ITPR2: variants seen among roughly 807,000 people sequenced by gnomAD.
ITPR2 encodes the protein inositol 1,4,5-trisphosphate-gated calcium channel ITPR2.
ITPR2 carries 207 observed loss-of-function variants against 317.1 expected under a neutral mutation model. The ratio of observed to expected loss-of-function variants is 0.65; its 90% CI spans 0.58 to 0.73. The LOEUF is 0.73. Among genes scored for constraint, ITPR2 ranks in the 30% least tolerant of loss-of-function variants. ITPR2 has a pLI of 0.00. For synonymous variants in ITPR2, 1,156 were observed against 1,149.1 expected, an observed-to-expected ratio of 1.01 and a Z score of -0.12; for missense variants, 2,613 against 3,284.0, an observed-to-expected ratio of 0.80 and a Z score of 4.99.
At chr12:26,681,328 G>A (rs995998721) in intron 13 of ITPR2, among the ~76,000 whole-genome samples, 1 of 152,180 alleles carries the variant, frequency 6.6e-6, no homozygotes, top group Non-Finnish European at 1.5e-5. Flanking sequence ...ATAATCGTTA[G>A]CTGTCAATAT....
intron 55 of ITPR2, among the ~76,000 whole-genome samples, chr12:26,367,523 A>C (rs781744117): frequency 3.3e-5 from 5 of 152,232 alleles, no homozygotes; most frequent in Non-Finnish European, 5.9e-5. Flanking sequence ...GTAAAGGATA[A>C]GATTTCACAA....
chr12:26,715,353 G>C lies in ITPR2; in HGVS notation c.801C>G (p.Thr267=), dbSNP rs1384644221. 1 of 1,613,690 alleles carries C rather than the reference G, an allele frequency of 6.2e-7. No individual in the cohort carries two copies. Among genetic ancestry groups the C allele is most frequent in the Non-Finnish European group, 8.5e-7 (1 of 1,179,718 alleles). Reference sequence around the variant, plus strand: ...TAGCAGAAGTAGCTGATTGGCGCAAGGTCGTACGAAGGAAAATGTGCTGTT... The same window carrying C: ...TAGCAGAAGTAGCTGATTGGCGCAACGTCGTACGAAGGAAAATGTGCTGTT... ...EKKQHIFLRT[T]LRQSATSATS... is the part of the protein sequence containing the mutation. Residue 267 remains threonine (T), a synonymous_variant, in exon 8 of 57, where the codon ACC becomes ACG. Transcript: ENST00000381340.
chr12:26,455,492 A>G (rs1013377589), intron 45 of ITPR2, among the ~76,000 whole-genome samples: 2 of 152,156 alleles, frequency 1.3e-5, no homozygotes, highest in South Asian at 4.1e-4. Context: ...TTTCAAGTCT[A>G]AGTAGGGATT....
At chr12:26,816,465 G>A (rs950152700) in intron 1 of ITPR2, among the ~76,000 whole-genome samples, 6 of 152,038 alleles carry the variant, frequency 3.9e-5, no homozygotes, top group Non-Finnish European at 7.4e-5. Context: ...CAGGTTTGTC[G>A]GAACCAAAAG....
Position 26,632,010 on chromosome 12 carries a change from C to T in ITPR2, c.2790G>A (p.Gln930=). 1 of 1,605,448 alleles carries T rather than the reference C, an allele frequency of 6.2e-7. No individual in the cohort carries two copies. The change falls in exon 22 of 57, where the codon CAG becomes CAA. Residue 930 remains glutamine, a synonymous_variant. Transcript: ENST00000381340. ...AGATGGAGCCTCTACTGAGTACCAT[C>T]TGGGTCATCATCTCTCCCACCCCAT... The part of the protein sequence containing the change: ...TIHGVGEMMT[Q]MVLSRGSIFP...
At chr12:26,654,357 T>C (rs1001455914) in intron 20 of ITPR2, among the ~76,000 whole-genome samples, 1 of 152,216 alleles carries the variant, frequency 6.6e-6, no homozygotes, top group Non-Finnish European at 1.5e-5. Context: ...TTAAGGTACT[T>C]AACAAAATTT....
chr12:26,602,042 G>A (rs1946011205), intron 28 of ITPR2, among the ~76,000 whole-genome samples: 1 of 152,126 alleles, frequency 6.6e-6, no homozygotes, highest in East Asian at 1.9e-4. Context: ...AAATAAACAT[G>A]ACAACCGAAT....
At chr12:26,557,254 C>T (rs992598772) in intron 35 of ITPR2, among the ~76,000 whole-genome samples, 2 of 152,096 alleles carry the variant, frequency 1.3e-5, no homozygotes, top group Admixed American at 6.5e-5. Context: ...GGTCACCTAC[C>T]CAACAGCCTT....
intron 55 of ITPR2, among the ~76,000 whole-genome samples, chr12:26,383,464 T>A (rs1278010472): frequency 2.0e-5 from 3 of 149,676 alleles, no homozygotes; most frequent in Non-Finnish European, 3.0e-5. Context: ...TATTCTATGT[T>A]TTTTTGTTTG....
chr12:26,761,063 C>A (rs1949622302), intron 2 of ITPR2, among the ~76,000 whole-genome samples: 1 of 152,196 alleles, frequency 6.6e-6, no homozygotes, highest in African/African-American at 2.4e-5. Flanking sequence ...TAGAGCCAGG[C>A]TTCAGGCCAG....
At chr12:26,394,863 G>T (rs995578847) in intron 54 of ITPR2, among the ~76,000 whole-genome samples, 13 of 152,110 alleles carry the variant, frequency 8.5e-5, no homozygotes, top group Non-Finnish European at 1.5e-4. Flanking sequence ...GGTAGCTAGG[G>T]CACCTGGAAG....
rs1351285393 is a variant in ITPR2, at chr12:26,338,289, T to C, written c.*1108A>G. 1 of 152,638 alleles carries C rather than the reference T, an allele frequency of 6.6e-6. No homozygotes were observed. The highest frequency in any genetic ancestry group is 1.9e-4 in the East Asian group (1 of 5,206). The allele number at this position is 152,638 out of a possible 1,614,324, so 9.5% of individuals were successfully genotyped here. A position where few individuals can be genotyped will look rare whatever the true frequency, so the allele number is the denominator to read the frequency against. On this transcript the variant is annotated 3_prime_UTR_variant, in exon 57 of 57. Transcript: ENST00000381340. Reference sequence around the variant, plus strand: ...ATACAAAAACAATTTGAATAAGAGATTTTTATCTTGCTACATTTTGAAAAG... The same window carrying C: ...ATACAAAAACAATTTGAATAAGAGACTTTTATCTTGCTACATTTTGAAAAG...
At chr12:26,613,651 CAT>C (rs1291644464) in intron 26 of ITPR2, among the ~76,000 whole-genome samples, 1 of 152,058 alleles carries the variant, frequency 6.6e-6, no homozygotes, top group Non-Finnish European at 1.5e-5. Flanking sequence ...GAGACCCTGG[CAT>C]AGAGTCAGGA....
At chr12:26,509,292 T>C (rs148944872) in intron 37 of ITPR2, among the ~76,000 whole-genome samples, 1 of 152,320 alleles carries the variant, frequency 6.6e-6, no homozygotes, top group East Asian at 1.9e-4. Context: ...TTAGGGGTGA[T>C]GAAAATGTTC....
chr12:26,343,809 A>G (rs1312877475), intron 55 of ITPR2, among the ~76,000 whole-genome samples: 1 of 152,186 alleles, frequency 6.6e-6, no homozygotes, highest in Non-Finnish European at 1.5e-5. Context: ...TGAGGAGCCC[A>G]GAGTGCTGAC....
intron 2 of ITPR2, among the ~76,000 whole-genome samples, chr12:26,741,608 G>C (rs780654076): frequency 6.6e-6 from 1 of 152,180 alleles, no homozygotes; most frequent in Non-Finnish European, 1.5e-5. Context: ...TGGGAACCAC[G>C]AGCCTACAGC....
chr12:26,481,226 G>T lies in ITPR2; in HGVS notation c.6028C>A (p.His2010Asn). The T allele has an allele frequency of 6.2e-7, 1 of 1,606,250 alleles. No individual in the cohort carries two copies. The highest frequency in any genetic ancestry group is 8.5e-7 in the Non-Finnish European group (1 of 1,173,104). The change falls in exon 43 of 57, where the codon CAT (histidine) becomes AAT (asparagine). Residue 2010 changes from histidine to asparagine, a missense_variant. By Grantham distance (68) the His-to-Asn change is moderately conservative. This residue lies in a region of ITPR2 where 926 missense variants were observed against 1,072.8 expected (regional missense o/e 0.86). Coordinates refer to ENST00000381340, the MANE Select transcript of ITPR2 (RefSeq NM_002223.4). ...ATGATATCAATCCCATTAGACTCAT[G>T]TGTAGCGATACAGGTCTAGAAAACA... ...CHENQTCIAT[H>N]ESNGIDIIIA...
At chr12:26,500,124 C>T (rs772264979) in intron 37 of ITPR2, among the ~76,000 whole-genome samples, 4 of 152,194 alleles carry the variant, frequency 2.6e-5, no homozygotes, top group South Asian at 2.1e-4. Context: ...CTGACTTAAG[C>T]GGTGAGAGAC....
intron 26 of ITPR2, among the ~76,000 whole-genome samples, chr12:26,605,807 T>C (rs1257646203): frequency 6.6e-6 from 1 of 152,174 alleles, no homozygotes; most frequent in African/African-American, 2.4e-5. Context: ...ATTGGAAAAT[T>C]CAACAAACAA....
Sources: gnomAD v4.1 joint callset for allele counts (sites outside exome capture counted in the v4.1 genomes callset) on GRCh38, gnomAD v4.1.1 for gene constraint, gnomAD v4.1.1 regional missense constraint, MANE v1.5 for transcripts, NCBI Gene and HGNC (gene_info 2026-07-23, HGNC 2026-07-21) for gene names.